The following SYN3 variants were observed in gnomAD, a reference collection of about 807,000 sequenced individuals.
SYN3 encodes the protein synapsin-3.
A neutral mutation model predicts 65.8 loss-of-function variants in SYN3; 35 were observed. That is an observed-to-expected ratio of 0.53 (90% confidence interval 0.41 to 0.70). The LOEUF (loss-of-function observed/expected upper bound fraction) is 0.70, where lower values mean the gene tolerates loss of function less well. SYN3 is among the 30% of genes least tolerant of loss of function. The pLI, the probability that SYN3 is intolerant of heterozygous loss-of-function variation, is 0.00. For missense variants in SYN3, 680 were observed against 749.0 expected, an observed-to-expected ratio of 0.91 and a Z score of 1.08; for synonymous variants, 270 against 292.9, an observed-to-expected ratio of 0.92 and a Z score of 0.80.
chr22:32,693,858 C>T (rs1251352060), intron 6 of SYN3, among the ~76,000 whole-genome samples: 2 of 152,150 alleles, frequency 1.3e-5, no homozygotes, highest in East Asian at 3.9e-4. Context: ...GCTGGGATTA[C>T]AGGCATGAGC....
chr22:32,576,770 G>A (rs527688643), intron 7 of SYN3, among the ~76,000 whole-genome samples: 1 of 151,734 alleles, frequency 6.6e-6, no homozygotes, highest in Non-Finnish European at 1.5e-5. Context: ...CTGAACTGCC[G>A]CAGTTTCTTC....
At chr22:32,997,830 T>C (rs1382552904) in intron 2 of SYN3, among the ~76,000 whole-genome samples, 2 of 151,730 alleles carry the variant, frequency 1.3e-5, no homozygotes, top group Non-Finnish European at 2.9e-5. Context: ...ATCGAGACCA[T>C]CCTGGCTAAC....
At chr22:32,537,567 C>A (rs1256763172) in intron 9 of SYN3, among the ~76,000 whole-genome samples, 1 of 152,140 alleles carries the variant, frequency 6.6e-6, no homozygotes, top group African/African-American at 2.4e-5. Context: ...GGACGTCAAC[C>A]TTTCCCTATT....
In SYN3 at chr22:32,648,680, G is replaced by A. The variant is rs115419906; in HGVS notation, c.712-51944C>T. ...GGTTGATTAACCTCTCAAAGCCTCA[G>A]TTTCATTAGCTGTAAAATGGGAACG... On this transcript the variant is annotated intron_variant, in intron 6 of 13. Coordinates refer to ENST00000358763, the MANE Select transcript of SYN3 (RefSeq NM_003490.4). Among the ~76,000 whole-genome samples the A allele has an allele frequency of 2.7e-3, 404 of 152,318 alleles. 1 individual carries two copies. The highest frequency in any genetic ancestry group is 9.1e-3 in the African/African-American group (377 of 41,560).
At chr22:32,976,334 G>A (rs1057165130) in intron 3 of SYN3, among the ~76,000 whole-genome samples, 1 of 152,208 alleles carries the variant, frequency 6.6e-6, no homozygotes, top group African/African-American at 2.4e-5. Flanking sequence ...CCACCTGCTA[G>A]AGCAAGGCAT....
intron 6 of SYN3, among the ~76,000 whole-genome samples, chr22:32,611,284 G>GT (rs1201383074): frequency 0.038 from 3,573 of 94,492 alleles, 115 homozygotes; most frequent in Admixed American, 0.095. Flanking sequence ...TTTTTTTTTT[G>GT]TTTTTTTTTT....
chr22:32,637,210 G>A (rs1291339051), intron 6 of SYN3, among the ~76,000 whole-genome samples: 2 of 152,214 alleles, frequency 1.3e-5, no homozygotes, highest in African/African-American at 4.8e-5. Context: ...TCTGGAGCCA[G>A]ACTGCTTGGT....
intron 6 of SYN3, chr22:32,861,725 T>C (rs1046118174): frequency 2.0e-5 from 3 of 152,398 alleles, no homozygotes; most frequent in Non-Finnish European, 2.9e-5. Context: ...GAAGGGTCTT[T>C]CGCAAAGCGA....
intron 6 of SYN3, among the ~76,000 whole-genome samples, chr22:32,613,607 A>G (rs1244912317): frequency 1.3e-5 from 2 of 152,244 alleles, no homozygotes; most frequent in East Asian, 3.8e-4. Context: ...TGGTTGCCCA[A>G]CATGGAGTAG....
chr22:32,569,559 C>CTATATATATATATATATATATA (rs1289552626), intron 7 of SYN3, among the ~76,000 whole-genome samples: 1 of 51,202 alleles, frequency 2.0e-5, no homozygotes, highest in Non-Finnish European at 4.2e-5. Context: ...CTCTCTCTCT[C>CTATATATATATATATATATATA]TCTCTCTCTC....
chr22:32,893,474 T>G (rs1318301157), intron 4 of SYN3, among the ~76,000 whole-genome samples: 3 of 152,210 alleles, frequency 2.0e-5, no homozygotes, highest in Non-Finnish European at 4.4e-5. Flanking sequence ...CCCAGGATAT[T>G]GTCTCCTGCA....
At chr22:33,015,862 A>C (rs1052128204) in intron 1 of SYN3, among the ~76,000 whole-genome samples, 5 of 119,424 alleles carry the variant, frequency 4.2e-5, no homozygotes, top group African/African-American at 1.5e-4. Context: ...TTTTTTTTTA[A>C]GACAGTTACA....
intron 6 of SYN3, among the ~76,000 whole-genome samples, chr22:32,779,332 C>T (rs768320777): frequency 1.3e-5 from 2 of 152,122 alleles, no homozygotes; most frequent in South Asian, 2.1e-4. Flanking sequence ...TGATGGTACA[C>T]GCCTGCAGTC....
chr22:33,023,166 G>A (rs979089075), intron 1 of SYN3, among the ~76,000 whole-genome samples: 3 of 152,110 alleles, frequency 2.0e-5, no homozygotes, highest in African/African-American at 7.2e-5. Flanking sequence ...CTTGGGAAAC[G>A]CAGGGAGACC....
At chr22:32,587,415 T>A (rs149424607) in intron 7 of SYN3, among the ~76,000 whole-genome samples, 2,085 of 151,922 alleles carry the variant, frequency 0.014, 49 homozygotes, top group African/African-American at 0.047. Context: ...CCTGAACACC[T>A]CGTGGGTGGG....
At chr22:32,636,346 G>A (rs2059815181) in intron 6 of SYN3, among the ~76,000 whole-genome samples, 1 of 150,790 alleles carries the variant, frequency 6.6e-6, no homozygotes, top group Non-Finnish European at 1.5e-5. Context: ...AGCTTGCAGT[G>A]AGCCGAGATT....
At chr22:33,028,393 T>C (rs533119592) in intron 1 of SYN3, among the ~76,000 whole-genome samples, 64 of 152,342 alleles carry the variant, frequency 4.2e-4, no homozygotes, top group African/African-American at 1.4e-3. Flanking sequence ...GAGAAGGCCG[T>C]GCTGCTGGCC....
chr22:32,741,757 T>G (rs2044776799), intron 6 of SYN3, among the ~76,000 whole-genome samples: 1 of 152,168 alleles, frequency 6.6e-6, no homozygotes, highest in African/African-American at 2.4e-5. Flanking sequence ...GCGAAATTAG[T>G]GGGAGACAGT....
At chr22:32,661,744 G>A (rs1417035557) in intron 6 of SYN3, among the ~76,000 whole-genome samples, 2 of 152,118 alleles carry the variant, frequency 1.3e-5, no homozygotes, top group African/African-American at 4.8e-5. Flanking sequence ...AGAGCATCTG[G>A]AACGGAAGGG....
Sources: allele counts gnomAD v4.1 joint callset (sites outside exome capture counted in the v4.1 genomes callset), GRCh38; gene constraint gnomAD v4.1.1; transcripts MANE v1.5; gene names NCBI Gene and HGNC (gene_info 2026-07-23, HGNC 2026-07-21).